Variants in GPR137B observed in about 807,000 individuals in gnomAD.
GPR137B encodes the protein G protein-coupled receptor 137B.
Under a neutral mutation model 42.5 loss-of-function variants are expected in GPR137B, and 42 were observed. The observed-to-expected ratio is 0.99, with a 90% CI of 0.77 to 1.28. The LOEUF is 1.28. Among genes scored for constraint, GPR137B ranks in the 50% most tolerant of loss-of-function variants. GPR137B has a pLI of 0.00. For missense variants in GPR137B, 487 were observed against 493.9 expected, an observed-to-expected ratio of 0.99 and a Z score of 0.13; for synonymous variants, 218 against 209.7, an observed-to-expected ratio of 1.04 and a Z score of -0.34.
At chr1:236,175,509 C>A (rs1399556470) in intron 2 of GPR137B, among the ~76,000 whole-genome samples, 1 of 152,202 alleles carries the variant, frequency 6.6e-6, no homozygotes, top group Non-Finnish European at 1.5e-5. Flanking sequence ...CACGCGGGTT[C>A]TGGATGTTTC....
At chr1:236,196,156 T>A (rs1400583320) in intron 5 of GPR137B, among the ~76,000 whole-genome samples, 3 of 152,198 alleles carry the variant, frequency 2.0e-5, no homozygotes, top group African/African-American at 7.2e-5. Flanking sequence ...TTATTTATTT[T>A]TGAGATGGAG....
rs561532371 is a variant in GPR137B, at chr1:236,156,607, C to A, written c.415-12099C>A. Among the ~76,000 whole-genome samples the A allele has an allele frequency of 6.6e-6, 1 of 152,216 alleles. No homozygotes were observed. The highest frequency in any genetic ancestry group is 1.5e-5 in the Non-Finnish European group (1 of 68,040). ...GAGCCTCAAATGCAGATCCCCTCCC[C>A]GCCGCAGAGCCGCCTTGTGTGTCTT... is the stretch of plus-strand genomic sequence containing the variant. On this transcript the variant is annotated intron_variant, in intron 1 of 6. Coordinates refer to ENST00000366592, the MANE Select transcript of GPR137B (RefSeq NM_003272.4). The surrounding 1 kb of genome is among the most constrained non-coding windows in gnomAD (Gnocchi z 4.8).
intron 6 of GPR137B, among the ~76,000 whole-genome samples, chr1:236,206,492 A>G (rs1253362013): frequency 6.6e-6 from 1 of 152,226 alleles, no homozygotes; most frequent in Admixed American, 6.5e-5. Context: ...GATCTGGCCC[A>G]GAAAATGTGG....
intron 5 of GPR137B, among the ~76,000 whole-genome samples, chr1:236,191,777 TA>T (rs1490098419): frequency 1.3e-5 from 2 of 152,092 alleles, no homozygotes; most frequent in African/African-American, 2.4e-5. Context: ...TACTGGGAGG[TA>T]TCTCCCAGTC....
chr1:236,200,803 C>T (rs966099470), intron 5 of GPR137B, among the ~76,000 whole-genome samples: 10 of 151,904 alleles, frequency 6.6e-5, no homozygotes, highest in African/African-American at 2.4e-4. Flanking sequence ...GTCTGCCATT[C>T]TGTATCTTTT....
chr1:236,166,526 T>G (rs1662363681), intron 1 of GPR137B, among the ~76,000 whole-genome samples: 1 of 142,954 alleles, frequency 7.0e-6, no homozygotes, highest in Non-Finnish European at 1.5e-5. Context: ...ATTATATATA[T>G]TTATATATAT....
In GPR137B at chr1:236,186,496, C is replaced by A. The variant is rs866043358; in HGVS notation, c.966+2590C>A. On this transcript the variant is annotated intron_variant, in intron 5 of 6. Coordinates refer to ENST00000366592, the MANE Select transcript of GPR137B (RefSeq NM_003272.4). ...ATGCTCTCCCTCCCCTACCTCCCCA[C>A]CCCCCTACAGGCCCCAGTGTGTGAT... Among the ~76,000 whole-genome samples the A allele has an allele frequency of 2.5e-4, 37 of 145,582 alleles. 1 individual carries two copies. The highest frequency in any genetic ancestry group is 8.3e-4 in the African/African-American group (33 of 39,556).
At chr1:236,188,725 A>ACGTT (rs1257973973) in intron 5 of GPR137B, among the ~76,000 whole-genome samples, 5 of 152,154 alleles carry the variant, frequency 3.3e-5, no homozygotes, top group African/African-American at 1.2e-4. Context: ...GTTTGCCAGT[A>ACGTT]CGTTATTGAG....
chr1:236,163,594 G>GTAC (rs1662261310), intron 1 of GPR137B, among the ~76,000 whole-genome samples: 1 of 152,126 alleles, frequency 6.6e-6, no homozygotes, highest in Non-Finnish European at 1.5e-5. Flanking sequence ...GGTCTTTCTT[G>GTAC]TACTATTCTT....
intron 1 of GPR137B, among the ~76,000 whole-genome samples, chr1:236,145,716 A>G (rs567247598): frequency 1.3e-5 from 2 of 152,108 alleles, no homozygotes; most frequent in African/African-American, 2.4e-5. Flanking sequence ...CTCTGAAGAA[A>G]GTACCGGTAT....
chr1:236,157,409 G>A (rs542192004), intron 1 of GPR137B, among the ~76,000 whole-genome samples: 2 of 152,068 alleles, frequency 1.3e-5, no homozygotes, highest in Non-Finnish European at 2.9e-5. Context: ...ATTTTTAGTA[G>A]AGACAGGGTT....
chr1:236,151,425 T>C (rs1262112900), intron 1 of GPR137B, among the ~76,000 whole-genome samples: 1 of 143,426 alleles, frequency 7.0e-6, no homozygotes, highest in Non-Finnish European at 1.5e-5. Flanking sequence ...TTCATTTTTT[T>C]TTTTTTTTTT....
chr1:236,168,856 G>A, intron 2 of GPR137B, 101 bp downstream of exon 2: 1 of 897,042 alleles, frequency 1.1e-6, no homozygotes, highest in Non-Finnish European at 1.9e-6. Context: ...TGTTCTGTGA[G>A]CCGCCGGAAA....
At chr1:236,166,099 T>A (rs541666422) in intron 1 of GPR137B, among the ~76,000 whole-genome samples, 1 of 152,332 alleles carries the variant, frequency 6.6e-6, no homozygotes, top group Non-Finnish European at 1.5e-5. Context: ...GGTCAAACAT[T>A]TTTTAAAAAA....
intron 2 of GPR137B, among the ~76,000 whole-genome samples, chr1:236,170,182 G>A (rs956455504): frequency 5.9e-5 from 9 of 152,040 alleles, no homozygotes; most frequent in African/African-American, 1.7e-4. Context: ...CATTGCCAAC[G>A]GCAAACATTT....
At chr1:236,147,488 A>G (rs955223900) in intron 1 of GPR137B, among the ~76,000 whole-genome samples, 1 of 152,130 alleles carries the variant, frequency 6.6e-6, no homozygotes, top group Non-Finnish European at 1.5e-5. Context: ...CCATGGGATC[A>G]CTGAGGCCCC....
intron 2 of GPR137B, among the ~76,000 whole-genome samples, chr1:236,174,106 G>C (rs1662620105): frequency 6.6e-6 from 1 of 152,114 alleles, no homozygotes; most frequent in Non-Finnish European, 1.5e-5. Context: ...AGACAAAGTT[G>C]ATGTCTATAT....
intron 1 of GPR137B, among the ~76,000 whole-genome samples, chr1:236,166,653 G>A (rs1011973179): frequency 2.6e-5 from 4 of 151,758 alleles, no homozygotes; most frequent in Non-Finnish European, 5.9e-5. Flanking sequence ...TATGAAGCTC[G>A]GAGGAGGTTA....
rs1662010556 is a variant in GPR137B at position 236,155,938 on chromosome 1, A to AACACGCACAC, written c.415-12765_415-12764insCGCACACACA. The stretch of plus-strand genomic sequence containing the variant: ...CTGCCTTGTGGGGTGCACATGCACA[A>AACACGCACAC]ACATGCACACACATACACAAACGCA... On this transcript the variant is annotated intron_variant, in intron 1 of 6. Coordinates refer to ENST00000366592, the MANE Select transcript of GPR137B (RefSeq NM_003272.4). This position sits in a 1 kb window ranked among gnomAD's most constrained non-coding sequence, Gnocchi z 4.6. 2.0e-5 allele frequency among the ~76,000 whole-genome samples: 3 copies of AACACGCACAC among 152,216 alleles called. No individual in the cohort carries two copies. Among genetic ancestry groups the AACACGCACAC allele is most frequent in the African/African-American group, 7.2e-5 (3 of 41,458 alleles).
Sources: allele counts gnomAD v4.1 joint callset (sites outside exome capture counted in the v4.1 genomes callset), GRCh38; gene constraint gnomAD v4.1.1; non-coding constraint Gnocchi (gnomAD v3.1); transcripts MANE v1.5; gene names NCBI Gene and HGNC (gene_info 2026-07-23, HGNC 2026-07-21).